The following EDC3 variants were observed in gnomAD, a reference collection of about 807,000 sequenced individuals.
The protein encoded by EDC3 is enhancer of mRNA decapping 3.
EDC3 carries 20 observed loss-of-function variants against 41.8 expected under a neutral mutation model. The ratio of observed to expected loss-of-function variants is 0.48; its 90% CI spans 0.34 to 0.70. The LOEUF (loss-of-function observed/expected upper bound fraction) is 0.70, where lower values mean the gene tolerates loss of function less well. EDC3 is among the 30% of genes least tolerant of loss of function. The probability of loss-of-function intolerance (pLI) is 0.01; values close to 1 mark genes in which losing one functional copy is unlikely to be tolerated. For synonymous variants in EDC3, 206 were observed against 243.2 expected (o/e 0.85, Z 1.42); for missense variants, 444 against 636.8 (o/e 0.70, Z 3.26).
chr15:74,666,013 G>C (rs1302505373), intron 3 of EDC3, among the ~76,000 whole-genome samples: 1 of 151,868 alleles, frequency 6.6e-6, no homozygotes, highest in Non-Finnish European at 1.5e-5. Flanking sequence ...GCCTAGGCTG[G>C]TCTCAAACTC....
At chr15:74,685,535 G>A (rs768640724) in intron 1 of EDC3, among the ~76,000 whole-genome samples, 2 of 152,080 alleles carry the variant, frequency 1.3e-5, no homozygotes, top group Non-Finnish European at 2.9e-5. Flanking sequence ...TTAATCAATC[G>A]ATGAATGAAT....
Position 74,632,875 on chromosome 15 carries a change from G to C in EDC3, c.1264C>G (p.Gln422Glu). Residue 422 changes from glutamine (Q) to glutamate (E), a missense_variant, in exon 7 of 7, where the codon CAA becomes GAA. Physicochemically the swap from Gln to Glu is conservative, Grantham distance 29. This residue lies in a region of EDC3 where 242 missense variants were observed against 363.8 expected (regional missense o/e 0.67). Transcript: ENST00000315127. This position sits in a 1 kb window ranked among gnomAD's most constrained non-coding sequence, Gnocchi z 4.0. Reference protein sequence around the residue: ...DCPENVFLRDQPWYKAAVAWA... With the variant: ...DCPENVFLRDEPWYKAAVAWA... The stretch of plus-strand genomic sequence containing the variant: ...GCCACAGCTGCCTTGTACCAGGGTT[G>C]ATCGCGCAGGAAGACGTTCTCAGGG... 6.2e-7 allele frequency: 1 copy of C among 1,614,254 alleles called. No homozygotes were observed. Among genetic ancestry groups the C allele is most frequent in the Non-Finnish European group, 8.5e-7 (1 of 1,180,042 alleles).
In EDC3 at chr15:74,645,590, G is replaced by A. The variant is rs527646071; in HGVS notation, c.821-4971C>T. On this transcript the variant is annotated intron_variant, in intron 4 of 6. Transcript: ENST00000315127. ...GGGGGGGGGGGGGTGCCAGGCAGGT[G>A]GCTCATGCCCGGCCAAAGAGTAATC... 2.0e-5 allele frequency among the ~76,000 whole-genome samples: 3 copies of A among 148,892 alleles called. No individual in the cohort carries two copies. In the East Asian group the frequency reaches 5.9e-4, roughly 29 times the overall value.
intron 4 of EDC3, chr15:74,641,634 G>A (rs542906553): frequency 3.3e-5 from 5 of 152,754 alleles, no homozygotes; most frequent in East Asian, 1.9e-4. Flanking sequence ...TGGCTTCACC[G>A]GCCAGTGGAC....
chr15:74,633,057 G>A (rs909732339), intron 6 of EDC3, 111 bp from the exon 7 acceptor site: 21 of 1,125,056 alleles, frequency 1.9e-5, no homozygotes, highest in Middle Eastern at 2.1e-4. Context: ...GACACCACTC[G>A]AATGCCTCTC....
At position 74,674,962 on chromosome 15, in the gene EDC3, T is replaced by C. The variant is rs1273780008; in HGVS notation, c.163A>G (p.Arg55Gly). Residue 55 changes from arginine (R) to glycine (G), a missense_variant and splice_region_variant, in exon 2 of 7, where the codon AGG becomes GGG. By Grantham distance (125) the Arg-to-Gly change is moderately radical (BLOSUM62 -2). Coordinates refer to ENST00000315127, the MANE Select transcript of EDC3 (RefSeq NM_025083.5). The part of the protein sequence containing the change: ...VKCLVPEVTF[R>G]AGDITELKIL... ...AGAAGAGTCAGTCAGGACACTCACC[T>C]GAAGGTGACTTCTGGAACAAGACAC... is the stretch of plus-strand genomic sequence containing the variant. The C allele has an allele frequency of 6.2e-7, 1 of 1,614,080 alleles. No homozygotes were observed. Among genetic ancestry groups the C allele is most frequent in the Admixed American group, 1.7e-5 (1 of 60,028 alleles).
At chr15:74,660,141 G>A (rs548153779) in intron 3 of EDC3, among the ~76,000 whole-genome samples, 1 of 152,148 alleles carries the variant, frequency 6.6e-6, no homozygotes, top group South Asian at 2.1e-4. Context: ...AGGAGGTCAT[G>A]GCTGCAGTGA....
chr15:74,674,068 G>C (rs2062773182), intron 2 of EDC3, among the ~76,000 whole-genome samples: 1 of 152,100 alleles, frequency 6.6e-6, no homozygotes, highest in Non-Finnish European at 1.5e-5. Context: ...GGAAACTAAA[G>C]GACAGTACTG....
In EDC3 at chr15:74,631,240, G is replaced by C. The variant is rs943602414; in HGVS notation, c.*1372C>G. ...GCCTACCCTATGTCCACAATCCTTGGTGAGCCCTTCTGTCCACCCATCCAC... is the reference window on the plus strand; with the variant it reads ...GCCTACCCTATGTCCACAATCCTTGCTGAGCCCTTCTGTCCACCCATCCAC... On this transcript the variant is annotated 3_prime_UTR_variant, in exon 7 of 7. Coordinates refer to ENST00000315127, the MANE Select transcript of EDC3 (RefSeq NM_025083.5). The C allele has an allele frequency of 6.6e-6, 1 of 152,460 alleles. No homozygotes were observed. Among genetic ancestry groups the C allele is most frequent in the Non-Finnish European group, 1.5e-5 (1 of 68,226 alleles). 9.4% of individuals were successfully genotyped at this position (152,460 alleles called of 1,614,324 possible).
intron 3 of EDC3, among the ~76,000 whole-genome samples, chr15:74,661,167 T>C (rs1176670417): frequency 6.6e-6 from 1 of 152,198 alleles, no homozygotes; most frequent in African/African-American, 2.4e-5. Context: ...TAATCATAAG[T>C]AAACAAGAAA....
At chr15:74,645,254 G>A (rs1409288738) in intron 4 of EDC3, 1 of 152,112 alleles carries the variant, frequency 6.6e-6, no homozygotes, top group East Asian at 1.9e-4. Context: ...TTTTGCATAC[G>A]GAGTATATTA....
In EDC3 at chr15:74,669,511, C is replaced by CAAA. The variant is rs58880243; in HGVS notation, c.484+1941_484+1943dup. On this transcript the variant is annotated intron_variant, in intron 3 of 6. Transcript: ENST00000315127. ...CGGGCAACAGAGCAAGGCTCCATCT[C>CAAA]AAAAAAAAAAAAAAATTAGTTTTAA... 2.9e-4 allele frequency among the ~76,000 whole-genome samples: 39 copies of CAAA among 135,956 alleles called. No homozygotes were observed. In the East Asian group the frequency reaches 3.2e-3, roughly 11 times the overall value. The allele number at this position is 135,956 out of a possible 152,430, so 89.2% of individuals were successfully genotyped here.
At position 74,655,976 on chromosome 15, in the gene EDC3, C is replaced by T. The variant is rs768940764; in HGVS notation, c.577G>A (p.Gly193Arg). The T allele has an allele frequency of 7.4e-6, 12 of 1,613,780 alleles. No homozygotes were observed. The highest frequency in any genetic ancestry group is 2.2e-5 in the East Asian group (1 of 44,888). The change falls in exon 4 of 7, where the codon GGG (glycine) becomes AGG (arginine). Residue 193 changes from glycine to arginine, a missense_variant. By Grantham distance (125) the Gly-to-Arg change is moderately radical. Coordinates refer to ENST00000315127, the MANE Select transcript of EDC3 (RefSeq NM_025083.5). Reference protein sequence around the residue: ...QMKNKDDECFGDDIEEIPDTD... With the variant: ...QMKNKDDECFRDDIEEIPDTD... ...TCTGGGATCTCCTCAATATCATCCC[C>T]GAAGCACTCGTCATCTTTATTCTTC...
chr15:74,663,626 T>C (rs539571933), intron 3 of EDC3, among the ~76,000 whole-genome samples: 1 of 151,386 alleles, frequency 6.6e-6, no homozygotes, highest in Non-Finnish European at 1.5e-5. Context: ...CCAAGCGTTT[T>C]GCGTTAAGAG....
chr15:74,661,238 A>C (rs1283176903), intron 3 of EDC3, among the ~76,000 whole-genome samples: 1 of 152,226 alleles, frequency 6.6e-6, no homozygotes, highest in Non-Finnish European at 1.5e-5. Context: ...GAGGTTGTCA[A>C]AAATTAATTA....
chr15:74,680,941 T>C (rs1473402383), intron 1 of EDC3, among the ~76,000 whole-genome samples: 1 of 152,112 alleles, frequency 6.6e-6, no homozygotes, highest in Admixed American at 6.5e-5. Context: ...ATTTGTATAC[T>C]GAAAACTATG....
intron 2 of EDC3, among the ~76,000 whole-genome samples, chr15:74,673,244 G>T (rs1206309515): frequency 6.6e-6 from 1 of 152,096 alleles, no homozygotes; most frequent in Non-Finnish European, 1.5e-5. Context: ...GATGAACCAA[G>T]CAAGCGGTAA....
chr15:74,654,122 G>A (rs1443249960), intron 4 of EDC3, among the ~76,000 whole-genome samples: 2 of 152,116 alleles, frequency 1.3e-5, no homozygotes, highest in East Asian at 1.9e-4. Context: ...GCATGGTGGT[G>A]TGTACCTGTA....
Position 74,695,984 on chromosome 15 carries a change from T to C in EDC3, c.-123A>G, listed in dbSNP as rs1307332315. On this transcript the variant is annotated 5_prime_UTR_variant, in exon 1 of 7. The change abolishes an upstream ATG in the 5' untranslated region. Coordinates refer to ENST00000315127, the MANE Select transcript of EDC3 (RefSeq NM_025083.5). Reference sequence around the variant, plus strand: ...TCTCTCCACGCCCACCCCCACAGCATCGGCCTTCACCACCGCCGCCGCTGC... The same window carrying C: ...TCTCTCCACGCCCACCCCCACAGCACCGGCCTTCACCACCGCCGCCGCTGC... 6.6e-6 allele frequency: 1 copy of C among 152,480 alleles called. No individual in the cohort carries two copies. The highest frequency in any genetic ancestry group is 2.4e-5 in the African/African-American group (1 of 41,388). The allele number at this position is 152,480 out of a possible 1,614,324, so 9.4% of individuals were successfully genotyped here.
Sources: gnomAD v4.1 joint callset for allele counts (sites outside exome capture counted in the v4.1 genomes callset) on GRCh38, gnomAD v4.1.1 for gene constraint, gnomAD v4.1.1 regional missense constraint, Gnocchi (gnomAD v3.1) non-coding constraint, MANE v1.5 for transcripts, NCBI Gene and HGNC (gene_info 2026-07-23, HGNC 2026-07-21) for gene names.